GUCA1B: variants seen among roughly 807,000 people sequenced by gnomAD.
GUCA1B encodes guanylate cyclase activator 1B, also known as guanylyl cyclase-activating protein 2.
Under a neutral mutation model 24.2 loss-of-function variants are expected in GUCA1B, and 22 were observed. That is an observed-to-expected ratio of 0.91 (90% CI 0.65 to 1.30). GUCA1B has a LOEUF of 1.30. Among genes scored for constraint, GUCA1B ranks in the 50% most tolerant of loss-of-function variants. The probability of loss-of-function intolerance (pLI) is 0.00; values close to 1 mark genes in which losing one functional copy is unlikely to be tolerated. For synonymous variants in GUCA1B, 100 were observed against 97.9 expected (o/e 1.02, Z -0.13); for missense variants, 221 against 258.8 (o/e 0.85, Z 1.00).
At chr6:42,194,460 GGTGA>G (rs1768362584) in intron 1 of GUCA1B, among the ~76,000 whole-genome samples, 150 bp downstream of exon 1, 2 of 152,254 alleles carry the variant, frequency 1.3e-5, no homozygotes, top group African/African-American at 4.8e-5. Flanking sequence ...AGAAGGGTTT[GGTGA>G]GTGAGACAGA....
chr6:42,192,180 C>T (rs1403303832), intron 1 of GUCA1B, among the ~76,000 whole-genome samples: 10 of 150,522 alleles, frequency 6.6e-5, no homozygotes, highest in Non-Finnish European at 1.2e-4. Flanking sequence ...ATGGTGAAAC[C>T]CCATCTCTAC....
rs1478360844 is a variant in GUCA1B at position 42,183,896 on chromosome 6, G to T, written c.*919C>A. ...GGCAGAGCTGAAACAGTCCCTTTAA[G>T]TACAGCTGACCCTTTCAAAGGCAGA... On this transcript the variant is annotated 3_prime_UTR_variant, in exon 4 of 4. Transcript: ENST00000230361. 6.6e-6 allele frequency among the ~76,000 whole-genome samples: 1 copy of T among 152,138 alleles called. No homozygotes were observed. Among genetic ancestry groups the T allele is most frequent in the Admixed American group, 6.6e-5 (1 of 15,258 alleles).
chr6:42,193,114 A>T (rs1021477354), intron 1 of GUCA1B, among the ~76,000 whole-genome samples: 1 of 152,216 alleles, frequency 6.6e-6, no homozygotes, highest in Admixed American at 6.5e-5. Flanking sequence ...AGTTACTTGT[A>T]TCATTCTTAT....
rs11270970 is a variant in GUCA1B, at chr6:42,188,886, T to TTCTATCTA, written c.208-163_208-156dup. Among the ~76,000 whole-genome samples the TTCTATCTA allele has an allele frequency of 1.3e-3, 150 of 116,452 alleles. 2 individuals are homozygous for TTCTATCTA. Among genetic ancestry groups the TTCTATCTA allele is most frequent in the Non-Finnish European group, 2.0e-3 (120 of 60,748 alleles). The allele number at this position is 116,452 out of a possible 152,430, so 76.4% of individuals were successfully genotyped here. ...TTCTCCACCCTTGGGGTAGAGAACA[T>TTCTATCTA]TCTATCTATCTATCTATATCTATAT... On this transcript the variant is annotated intron_variant, in intron 1 of 3. Transcript: ENST00000230361.
chr6:42,184,197 C>T lies in GUCA1B; in HGVS notation c.*618G>A, dbSNP rs150308756. On this transcript the variant is annotated 3_prime_UTR_variant, in exon 4 of 4. Coordinates refer to ENST00000230361, the MANE Select transcript of GUCA1B (RefSeq NM_002098.6). ...TCGGCCCCCTGGGGTTCACGCCATT[C>T]TCTTGCCTCAGCCTCCTGAGTAGCT... is the stretch of plus-strand genomic sequence containing the variant. Among the ~76,000 whole-genome samples the T allele has an allele frequency of 0.011, 1,616 of 152,024 alleles. 24 individuals carry two copies. Among genetic ancestry groups the T allele is most frequent in the African/African-American group, 0.036 (1,472 of 41,464 alleles).
At chr6:42,187,847 CT>C (rs1768222408) in intron 2 of GUCA1B, among the ~76,000 whole-genome samples, 2 of 150,556 alleles carry the variant, frequency 1.3e-5, no homozygotes, top group African/African-American at 4.9e-5. Context: ...GATATATTTT[CT>C]TTTCTTTCTT....
rs752230052 is a variant in GUCA1B, at chr6:42,185,820, A to G, written c.358-23T>C. 4.9e-6 allele frequency: 7 copies of G among 1,435,510 alleles called. No homozygotes were observed. The African/African-American group carries it at 8.4e-5, about 17-fold the overall frequency. The allele number at this position is 1,435,510 out of a possible 1,614,324, so 88.9% of individuals were successfully genotyped here. A position where few individuals can be genotyped will look rare whatever the true frequency, so the allele number is the denominator to read the frequency against. ...TCCCTGCCAAAGAAAACTCAGCTGC[A>G]TTGACGGGAGACCCTGAAAGCTCCA... On this transcript the variant is annotated intron_variant, in intron 2 of 3. Coordinates refer to ENST00000230361, the MANE Select transcript of GUCA1B (RefSeq NM_002098.6).
chr6:42,183,757 C>T lies in GUCA1B; in HGVS notation c.*1058G>A, dbSNP rs1768144742. On this transcript the variant is annotated 3_prime_UTR_variant, in exon 4 of 4. Coordinates refer to ENST00000230361, the MANE Select transcript of GUCA1B (RefSeq NM_002098.6). ...GTTTTCTCCATCCTTTAAAGAGAAA[C>T]ATTCAGCTTATGGCTGGGAGTTGTG... Among the ~76,000 whole-genome samples the T allele has an allele frequency of 6.6e-6, 1 of 152,114 alleles. No homozygotes were observed.
At position 42,183,768 on chromosome 6, in the gene GUCA1B, T is replaced by C. The variant is rs1419591224; in HGVS notation, c.*1047A>G. Among the ~76,000 whole-genome samples, 2 of 152,258 alleles carry C rather than the reference T, an allele frequency of 1.3e-5. No homozygotes were observed. The highest frequency in any genetic ancestry group is 6.5e-5 in the Admixed American group (1 of 15,288). ...CCTTTAAAGAGAAACATTCAGCTTA[T>C]GGCTGGGAGTTGTGGAAGGTCCATA... On this transcript the variant is annotated 3_prime_UTR_variant, in exon 4 of 4. Coordinates refer to ENST00000230361, the MANE Select transcript of GUCA1B (RefSeq NM_002098.6).
At chr6:42,193,328 T>G (rs1471395105) in intron 1 of GUCA1B, among the ~76,000 whole-genome samples, 1 of 152,224 alleles carries the variant, frequency 6.6e-6, no homozygotes, top group Non-Finnish European at 1.5e-5. Context: ...TTGATGGACT[T>G]AAATGAGTCT....
intron 2 of GUCA1B, among the ~76,000 whole-genome samples, chr6:42,186,730 C>T (rs1309291088): frequency 6.6e-6 from 1 of 152,236 alleles, no homozygotes; most frequent in Non-Finnish European, 1.5e-5. Context: ...CCTCACTGCT[C>T]AGCCCAGTGC....
At chr6:42,193,026 T>C (rs950079316) in intron 1 of GUCA1B, among the ~76,000 whole-genome samples, 2 of 152,194 alleles carry the variant, frequency 1.3e-5, no homozygotes, top group African/African-American at 4.8e-5. Context: ...TATGTATGTA[T>C]ACAGAGAGAG....
rs773605134 is a variant in GUCA1B at position 42,184,952 on chromosome 6, G to A, written c.476-10C>T. On this transcript the variant is annotated splice_polypyrimidine_tract_variant and intron_variant, in intron 3 of 3. Coordinates refer to ENST00000230361, the MANE Select transcript of GUCA1B (RefSeq NM_002098.6). Reference sequence around the variant, plus strand: ...TTCAGAGACAGCTGGCCTGAGCAAGGGGGAGGAGAGGTGGTCATGTAGAAG... The same window carrying A: ...TTCAGAGACAGCTGGCCTGAGCAAGAGGGAGGAGAGGTGGTCATGTAGAAG... The A allele has an allele frequency of 1.2e-6, 2 of 1,613,736 alleles. No homozygotes were observed. The highest frequency in any genetic ancestry group is 1.7e-5 in the Admixed American group (1 of 60,016).
intron 1 of GUCA1B, among the ~76,000 whole-genome samples, chr6:42,193,204 C>T (rs543116782): frequency 2.6e-5 from 4 of 152,126 alleles, no homozygotes; most frequent in East Asian, 1.9e-4. Context: ...CATCATATGC[C>T]GATTTATAAG....
rs1768370413 is a variant in GUCA1B at position 42,194,812 on chromosome 6, C to T, written c.9G>A (p.Gln3=). ...CCTCCGCCTCCTCCCAGCTAAACTC[C>T]TGCCCCATGCTAGCCCTGAGGAGCA... The part of the protein sequence containing the change: MG[Q]EFSWEEAEAA... Residue 3 remains glutamine (Q), a synonymous_variant, in exon 1 of 4, where the codon CAG becomes CAA. Transcript: ENST00000230361. The T allele has an allele frequency of 6.4e-7, 1 of 1,562,186 alleles. No individual in the cohort carries two copies. Among genetic ancestry groups the T allele is most frequent in the Non-Finnish European group, 8.7e-7 (1 of 1,153,058 alleles).
At position 42,194,895 on chromosome 6, in the gene GUCA1B, A is replaced by G; in HGVS notation, c.-75T>C. 1.9e-6 allele frequency: 2 copies of G among 1,073,710 alleles called. No homozygotes were observed. The highest frequency in any genetic ancestry group is 2.8e-6 in the Non-Finnish European group (2 of 720,506). 66.5% of individuals were successfully genotyped at this position (1,073,710 alleles called of 1,614,324 possible). A position where few individuals can be genotyped will look rare whatever the true frequency, so the allele number is the denominator to read the frequency against. On this transcript the variant is annotated 5_prime_UTR_variant, in exon 1 of 4. The change abolishes the stop of an existing upstream ORF in the 5' untranslated region. Coordinates refer to ENST00000230361, the MANE Select transcript of GUCA1B (RefSeq NM_002098.6). ...CTTCTGCTGATGGATCTCTCCAACTAGGGCCCTCTTCCTCCCTTTCCAGGA... is the reference window on the plus strand; with the variant it reads ...CTTCTGCTGATGGATCTCTCCAACTGGGGCCCTCTTCCTCCCTTTCCAGGA...
rs776885173 is a variant in GUCA1B at position 42,183,630 on chromosome 6, GGGA to G, written c.*1182_*1184del. The stretch of plus-strand genomic sequence containing the variant: ...TGCTGCCAAGACATAACCAAGGTTA[GGGA>G]GGAGAAGTGGCTGTCTTGGGTCACA... On this transcript the variant is annotated 3_prime_UTR_variant, in exon 4 of 4. Transcript: ENST00000230361. 1.1e-4 allele frequency among the ~76,000 whole-genome samples: 16 copies of G among 152,222 alleles called. No homozygotes were observed. Among genetic ancestry groups the G allele is most frequent in the Non-Finnish European group, 2.1e-4 (14 of 68,026 alleles).
At chr6:42,193,148 A>T (rs1768338409) in intron 1 of GUCA1B, among the ~76,000 whole-genome samples, 1 of 152,206 alleles carries the variant, frequency 6.6e-6, no homozygotes, top group African/African-American at 2.4e-5. Flanking sequence ...ATTTAGAATC[A>T]TAGTAAAATT....
At chr6:42,187,648 C>T (rs1443947539) in intron 2 of GUCA1B, among the ~76,000 whole-genome samples, 3 of 151,840 alleles carry the variant, frequency 2.0e-5, no homozygotes, top group Non-Finnish European at 2.9e-5. Flanking sequence ...GTCTTGAACT[C>T]CTGGGCTCAA....
Sources: gnomAD v4.1 joint callset for allele counts (sites outside exome capture counted in the v4.1 genomes callset) on GRCh38, gnomAD v4.1.1 for gene constraint, MANE v1.5 for transcripts, NCBI Gene and HGNC (gene_info 2026-07-23, HGNC 2026-07-21) for gene names.